BCAT1: variants seen among roughly 807,000 people sequenced by gnomAD.
BCAT1 encodes branched-chain-amino-acid aminotransferase, cytosolic.
Under a neutral mutation model 52.4 loss-of-function variants are expected in BCAT1, and 48 were observed. The observed-to-expected ratio is 0.92, with a 90% CI of 0.73 to 1.16. The LOEUF is 1.16. BCAT1 is among the 50% of genes most tolerant of loss of function. BCAT1 has a pLI of 0.00. For synonymous variants in BCAT1, 167 were observed against 161.3 expected, an observed-to-expected ratio of 1.04 and a Z score of -0.27; for missense variants, 451 against 457.1, an observed-to-expected ratio of 0.99 and a Z score of 0.12.
At chr12:24,875,556 T>C (rs964256283) in intron 5 of BCAT1, among the ~76,000 whole-genome samples, 1 of 152,202 alleles carries the variant, frequency 6.6e-6, no homozygotes, top group African/African-American at 2.4e-5. Flanking sequence ...AGTACATAAG[T>C]TGATAGAGTG....
Position 24,936,723 on chromosome 12 carries a change from T to TCA in BCAT1, c.6+12202_6+12203dup, listed in dbSNP as rs59426475. Among the ~76,000 whole-genome samples the TCA allele has an allele frequency of 3.3e-3, 467 of 141,908 alleles. 10 individuals are homozygous for TCA. The highest frequency in any genetic ancestry group is 0.01 in the African/African-American group (417 of 39,966). 93.1% of individuals were successfully genotyped at this position (141,908 alleles called of 152,430 possible). A position where few individuals can be genotyped will look rare whatever the true frequency, so the allele number is the denominator to read the frequency against. Reference sequence around the variant, plus strand: ...CTCTTTAAATCTCAATCTCTCTCTCTCACACACACACACACACATACACAC... The same window carrying TCA: ...CTCTTTAAATCTCAATCTCTCTCTCTCACACACACACACACACACATACACAC... On this transcript the variant is annotated intron_variant, in intron 1 of 10. Transcript: ENST00000261192.
In BCAT1 at chr12:24,811,944, A is replaced by G. The variant is rs746749813; in HGVS notation, c.*6064T>C. Reference sequence around the variant, plus strand: ...TTTTTCCTCAGCCACAAGTAAGCGCAAATCCTTAAAAACAGTGGGTTGAGC... The same window carrying G: ...TTTTTCCTCAGCCACAAGTAAGCGCGAATCCTTAAAAACAGTGGGTTGAGC... On this transcript the variant is annotated 3_prime_UTR_variant, in exon 11 of 11. Coordinates refer to ENST00000261192, the MANE Select transcript of BCAT1 (RefSeq NM_005504.7). The G allele has an allele frequency of 2.6e-5, 4 of 152,148 alleles. No individual in the cohort carries two copies. The highest frequency in any genetic ancestry group is 5.9e-5 in the Non-Finnish European group (4 of 67,964). 9.4% of individuals were successfully genotyped at this position (152,148 alleles called of 1,614,324 possible).
rs914653148 is a variant in BCAT1, at chr12:24,832,871, G to T, written c.904-8C>A. ...TGACACCTTAAATTCACCCTGCATG[G>T]AATATAAAAAATAACAAGTATATTT... is the stretch of plus-strand genomic sequence containing the variant. On this transcript the variant is annotated splice_polypyrimidine_tract_variant and splice_region_variant and intron_variant, in intron 8 of 10. Coordinates refer to ENST00000261192, the MANE Select transcript of BCAT1 (RefSeq NM_005504.7). 3 of 1,599,476 alleles carry T rather than the reference G, an allele frequency of 1.9e-6. No individual in the cohort carries two copies. Among genetic ancestry groups the T allele is most frequent in the Non-Finnish European group, 1.7e-6 (2 of 1,173,586 alleles).
At chr12:24,845,072 G>A (rs979179370) in intron 6 of BCAT1, among the ~76,000 whole-genome samples, 4 of 151,314 alleles carry the variant, frequency 2.6e-5, no homozygotes, top group African/African-American at 2.4e-5. Context: ...AAACTAGCTG[G>A]GTTTGGTGGA....
chr12:24,925,739 G>A (rs143606247), intron 1 of BCAT1, among the ~76,000 whole-genome samples: 3,260 of 152,234 alleles, frequency 0.021, 89 homozygotes, highest in East Asian at 0.061. Context: ...GCAGGCGCGC[G>A]CCACCATGCC....
chr12:24,887,080 AATATATATATATATAT>A (rs71063368), intron 3 of BCAT1, among the ~76,000 whole-genome samples: 2 of 40,748 alleles, frequency 4.9e-5, no homozygotes, highest in Admixed American at 2.9e-4. Flanking sequence ...AAAAAAAAAA[AATATATATATATATAT>A]ATATATATAT....
At chr12:24,908,766 T>G (rs566431070) in intron 1 of BCAT1, among the ~76,000 whole-genome samples, 1 of 152,244 alleles carries the variant, frequency 6.6e-6, no homozygotes, top group East Asian at 1.9e-4. Context: ...CATTAAAAAT[T>G]TTTTCAAATG....
Position 24,900,164 on chromosome 12 carries a change from T to A in BCAT1, c.78+1650A>T, listed in dbSNP as rs902980974. On this transcript the variant is annotated intron_variant, in intron 2 of 10. Coordinates refer to ENST00000261192, the MANE Select transcript of BCAT1 (RefSeq NM_005504.7). ...AAATTATCAATATCATTTTTACACA[T>A]GCCTTATTACATATGTGCTGTGAAT... Among the ~76,000 whole-genome samples, 3 of 152,248 alleles carry A rather than the reference T, an allele frequency of 2.0e-5. No individual in the cohort carries two copies. In the East Asian group the frequency reaches 5.8e-4, roughly 29 times the overall value.
intron 7 of BCAT1, among the ~76,000 whole-genome samples, 158 bp downstream of exon 7, chr12:24,841,924 A>G (rs1434745136): frequency 6.6e-6 from 1 of 152,196 alleles, no homozygotes; most frequent in Non-Finnish European, 1.5e-5. Flanking sequence ...AAGAAAAAAA[A>G]GAAACTTGTG....
intron 7 of BCAT1, among the ~76,000 whole-genome samples, chr12:24,840,642 G>C (rs1162182876): frequency 6.6e-6 from 1 of 152,144 alleles, no homozygotes; most frequent in African/African-American, 2.4e-5. Flanking sequence ...TTCTACCTCT[G>C]ACTGCAGTAT....
chr12:24,907,470 C>G (rs1044199530), intron 1 of BCAT1, among the ~76,000 whole-genome samples: 1 of 152,198 alleles, frequency 6.6e-6, no homozygotes. Flanking sequence ...TGGCCTGAAG[C>G]AACTGAAGAT....
chr12:24,883,235 A>G (rs1942553983), intron 3 of BCAT1, among the ~76,000 whole-genome samples: 1 of 152,168 alleles, frequency 6.6e-6, no homozygotes. Context: ...GTGGTGAACC[A>G]AGATCACGCT....
intron 1 of BCAT1, among the ~76,000 whole-genome samples, chr12:24,940,781 C>T (rs900817487): frequency 3.0e-4 from 46 of 152,138 alleles, no homozygotes; most frequent in Admixed American, 2.9e-3. Context: ...TCCTATTTCT[C>T]GAGGCATTTA....
chr12:24,929,477 G>T (rs1469562645), intron 1 of BCAT1, among the ~76,000 whole-genome samples: 1 of 152,082 alleles, frequency 6.6e-6, no homozygotes, highest in Non-Finnish European at 1.5e-5. Context: ...TGTAGACACA[G>T]GAGTAGCTCT....
At chr12:24,829,558 TA>T (rs1290796080) in intron 10 of BCAT1, among the ~76,000 whole-genome samples, 1 of 152,204 alleles carries the variant, frequency 6.6e-6, no homozygotes, top group Non-Finnish European at 1.5e-5. Context: ...AAATTACATC[TA>T]TTTTTTAATG....
intron 10 of BCAT1, among the ~76,000 whole-genome samples, chr12:24,822,293 C>T (rs1437218117): frequency 8.5e-5 from 13 of 152,182 alleles, no homozygotes; most frequent in Admixed American, 6.5e-4. Context: ...GAATACTTAA[C>T]CTCAGAGATT....
chr12:24,882,690 CT>C (rs1379586313), intron 3 of BCAT1, among the ~76,000 whole-genome samples: 5 of 151,926 alleles, frequency 3.3e-5, no homozygotes, highest in Non-Finnish European at 5.9e-5. Flanking sequence ...CCTCTACCCC[CT>C]GGGTTCAAGC....
intron 1 of BCAT1, among the ~76,000 whole-genome samples, chr12:24,924,901 C>T (rs1448031685): frequency 1.3e-5 from 2 of 152,070 alleles, no homozygotes; most frequent in African/African-American, 4.8e-5. Flanking sequence ...TCATATGATT[C>T]AGTACTTGGG....
chr12:24,947,920 T>C (rs1023057268), intron 1 of BCAT1, among the ~76,000 whole-genome samples: 7 of 152,212 alleles, frequency 4.6e-5, no homozygotes, highest in African/African-American at 1.2e-4. Flanking sequence ...AACGCATAGT[T>C]TCCACTCGGT....
Sources: allele counts gnomAD v4.1 joint callset (sites outside exome capture counted in the v4.1 genomes callset), GRCh38; gene constraint gnomAD v4.1.1; transcripts MANE v1.5; gene names NCBI Gene and HGNC (gene_info 2026-07-23, HGNC 2026-07-21).